The following CHN2 variants were observed in gnomAD, a reference collection of about 807,000 sequenced individuals.
CHN2 encodes the protein beta-chimaerin.
CHN2 carries 35 observed loss-of-function variants against 56.3 expected under a neutral mutation model. That is an observed-to-expected ratio of 0.62 (90% CI 0.47 to 0.82). The LOEUF (loss-of-function observed/expected upper bound fraction) is 0.82, where lower values mean the gene tolerates loss of function less well. Among genes scored for constraint, CHN2 ranks in the 40% least tolerant of loss-of-function variants. CHN2 has a pLI of 0.00. For missense variants in CHN2, 491 were observed against 580.5 expected (o/e 0.85, Z 1.58); for synonymous variants, 210 against 212.8 (o/e 0.99, Z 0.12).
chr7:29,275,792 C>G (rs1167948456), intron 1 of CHN2, among the ~76,000 whole-genome samples: 2 of 152,116 alleles, frequency 1.3e-5, no homozygotes, highest in African/African-American at 4.8e-5. Context: ...GAGTTGGTGT[C>G]CTTCACCAGT....
At chr7:29,183,039 T>TTA (rs1351608091) in intron 2 of CHN2, among the ~76,000 whole-genome samples, 3 of 151,968 alleles carry the variant, frequency 2.0e-5, no homozygotes, top group Non-Finnish European at 4.4e-5. Context: ...AATCTTCCCA[T>TTA]TATATGAGAC....
At chr7:29,455,749 G>A (rs949817635) in intron 6 of CHN2, among the ~76,000 whole-genome samples, 4 of 152,194 alleles carry the variant, frequency 2.6e-5, no homozygotes, top group Non-Finnish European at 5.9e-5. Flanking sequence ...TCTCCCTGGA[G>A]AGAACAGAGG....
At chr7:29,273,367 A>ATATATGTG (rs1562882020) in intron 1 of CHN2, among the ~76,000 whole-genome samples, 4 of 50,866 alleles carry the variant, frequency 7.9e-5, no homozygotes, top group African/African-American at 1.6e-4. Flanking sequence ...ATATATATAT[A>ATATATGTG]TATATATATA....
chr7:29,326,218 C>T (rs375020197), intron 1 of CHN2, among the ~76,000 whole-genome samples: 20 of 152,164 alleles, frequency 1.3e-4, no homozygotes, highest in South Asian at 2.1e-4. Context: ...AGTGCAGTGG[C>T]GCAATCTCGA....
chr7:29,192,201 C>T (rs1782972221), upstream of CHN2: 1 of 152,340 alleles, frequency 6.6e-6, no homozygotes, highest in Admixed American at 6.5e-5. Context: ...CCTCTTCTGG[C>T]CCCAGGATCC....
intron 7 of CHN2, among the ~76,000 whole-genome samples, chr7:29,482,309 G>T (rs1161861486): frequency 6.6e-6 from 1 of 152,184 alleles, no homozygotes; most frequent in African/African-American, 2.4e-5. Context: ...ACAGTTGATT[G>T]TGGCATTCGA....
intron 3 of CHN2, among the ~76,000 whole-genome samples, chr7:29,375,340 A>G (rs1252939885): frequency 1.3e-5 from 2 of 150,726 alleles, no homozygotes; most frequent in Admixed American, 6.6e-5. Context: ...CTGGGATTAC[A>G]GGTGCCCACC....
chr7:29,213,122 A>T lies in CHN2; in HGVS notation c.49+18132A>T, dbSNP rs187244363. ...TTGGAAGCTGCAGGGGAAGGCCTTA[A>T]TGTAATAAGCAAATGACTAGGTATT... On this transcript the variant is annotated intron_variant, in intron 1 of 12. Transcript: ENST00000222792. 8.2e-6 allele frequency: 13 copies of T among 1,583,230 alleles called. No individual in the cohort carries two copies. In the African/African-American group the frequency reaches 1.7e-4, roughly 21 times the overall value.
chr7:29,298,748 A>C (rs1277379739), intron 1 of CHN2, among the ~76,000 whole-genome samples: 1 of 152,236 alleles, frequency 6.6e-6, no homozygotes, highest in Non-Finnish European at 1.5e-5. Flanking sequence ...GGTTTACAAG[A>C]ACAAGCAGGT....
chr7:29,300,424 A>T (rs1793570308), intron 1 of CHN2, among the ~76,000 whole-genome samples: 1 of 152,200 alleles, frequency 6.6e-6, no homozygotes, highest in Admixed American at 6.5e-5. Flanking sequence ...GTAGTTCATT[A>T]GGGCAGGAAT....
At chr7:29,420,728 A>C (rs1179079073) in intron 6 of CHN2, among the ~76,000 whole-genome samples, 2 of 152,206 alleles carry the variant, frequency 1.3e-5, no homozygotes, top group Non-Finnish European at 2.9e-5. Context: ...CAACAATGTG[A>C]GTATGCTTAA....
At position 29,460,536 on chromosome 7, in the gene CHN2, C is replaced by T. The variant is rs17158019; in HGVS notation, c.577-19743C>T. 5.7e-3 allele frequency among the ~76,000 whole-genome samples: 862 copies of T among 152,274 alleles called. 10 individuals are homozygous for T. Among genetic ancestry groups the T allele is most frequent in the African/African-American group, 0.019 (803 of 41,550 alleles). On this transcript the variant is annotated intron_variant, in intron 6 of 12. Transcript: ENST00000222792. ...GGCTTTCTAATTCATAGATGTTCCT[C>T]GGACAAAGGATGTTTCACAGGTGCC... is the stretch of plus-strand genomic sequence containing the variant.
rs190031767 is a variant in CHN2, at chr7:29,277,201, G to A, written c.50-77424G>A. Among the ~76,000 whole-genome samples, 249 of 152,260 alleles carry A rather than the reference G, an allele frequency of 1.6e-3. 1 individual carries two copies. Among genetic ancestry groups the A allele is most frequent in the Middle Eastern group, 6.8e-3 (2 of 294 alleles). On this transcript the variant is annotated intron_variant, in intron 1 of 12. Transcript: ENST00000222792. ...AGATGCAGATCATTAGCTGAGCAAG[G>A]AGCCCCCAGAATTTTGCAGCATGAC... is the stretch of plus-strand genomic sequence containing the variant.
chr7:29,255,367 C>T (rs1562868789), intron 1 of CHN2, among the ~76,000 whole-genome samples: 1 of 152,146 alleles, frequency 6.6e-6, no homozygotes, highest in Non-Finnish European at 1.5e-5. Flanking sequence ...CCATGTGACC[C>T]CCAGCCAGTC....
intron 1 of CHN2, among the ~76,000 whole-genome samples, chr7:29,348,113 A>T (rs569362854): frequency 3.3e-5 from 5 of 152,100 alleles, no homozygotes; most frequent in Non-Finnish European, 7.4e-5. Context: ...CAACGGAGGT[A>T]TTACTTTATT....
At chr7:29,431,032 A>G (rs1312890179) in intron 6 of CHN2, among the ~76,000 whole-genome samples, 2 of 152,130 alleles carry the variant, frequency 1.3e-5, no homozygotes, top group Non-Finnish European at 2.9e-5. Context: ...CGAGTAAGAA[A>G]GAGAGAGTAA....
At chr7:29,298,307 T>A (rs1292948877) in intron 1 of CHN2, among the ~76,000 whole-genome samples, 1 of 152,174 alleles carries the variant, frequency 6.6e-6, no homozygotes, top group African/African-American at 2.4e-5. Context: ...GCCTTTGGAT[T>A]TCTTAGCTCC....
intron 6 of CHN2, among the ~76,000 whole-genome samples, chr7:29,434,378 C>CTTTTTTTTT (rs201268005): frequency 6.8e-6 from 1 of 147,852 alleles, no homozygotes. Flanking sequence ...AACAACAGAC[C>CTTTTTTTTT]TTTTTTTTTT....
chr7:29,481,705 T>C (rs1356131766), intron 7 of CHN2, among the ~76,000 whole-genome samples: 8 of 149,548 alleles, frequency 5.3e-5, no homozygotes, highest in Admixed American at 5.3e-4. Context: ...TCCTCATTAA[T>C]TTTTTTTGGC....
Sources: allele counts gnomAD v4.1 joint callset (sites outside exome capture counted in the v4.1 genomes callset), GRCh38; gene constraint gnomAD v4.1.1; transcripts MANE v1.5; gene names NCBI Gene and HGNC (gene_info 2026-07-23, HGNC 2026-07-21).